PRMT2: variants seen among roughly 807,000 people sequenced by gnomAD.
The protein encoded by PRMT2 is protein arginine N-methyltransferase 2.
PRMT2 carries 26 observed loss-of-function variants against 57.6 expected under a neutral mutation model. That is an observed-to-expected ratio of 0.45 (90% confidence interval 0.33 to 0.63). The LOEUF (loss-of-function observed/expected upper bound fraction) is 0.63. Ranked by LOEUF, PRMT2 falls within the 20% of genes least tolerant of loss-of-function variation. The pLI is 0.02. For synonymous variants in PRMT2, 219 were observed against 220.0 expected (o/e 1.00, Z 0.04); for missense variants, 472 against 564.4 (o/e 0.84, Z 1.66).
intron 5 of PRMT2, among the ~76,000 whole-genome samples, chr21:46,647,773 C>G (rs1028344128): frequency 2.0e-5 from 3 of 152,216 alleles, no homozygotes; most frequent in Admixed American, 2.0e-4. Context: ...CCACAAATCT[C>G]CAGCGACCCC....
In PRMT2 at chr21:46,641,569, G is replaced by A. The variant is rs2300409; in HGVS notation, c.40-1966G>A. ...TAGCCGGGCGTAGTGACACACGCCT[G>A]TAGTCCCAGCCTCTCGGGAGGCTGA... On this transcript the variant is annotated intron_variant, in intron 3 of 11. Coordinates refer to ENST00000355680, the MANE Select transcript of PRMT2 (RefSeq NM_206962.4). Among the ~76,000 whole-genome samples the A allele has an allele frequency of 1.7e-3, 252 of 152,252 alleles. 8 individuals carry two copies. The East Asian group carries it at 0.045, about 27-fold the overall frequency.
At chr21:46,641,683 C>CT (rs1174493395) in intron 3 of PRMT2, among the ~76,000 whole-genome samples, 4 of 150,904 alleles carry the variant, frequency 2.7e-5, no homozygotes, top group African/African-American at 9.8e-5. Context: ...CAGAGCGAGA[C>CT]TCCATCCTAA....
intron 7 of PRMT2, chr21:46,654,118 G>A (rs2061505366): frequency 2.0e-6 from 2 of 985,228 alleles, no homozygotes; most frequent in South Asian, 9.4e-5. Context: ...CAGAGACCAG[G>A]CACCAAATTT....
intron 5 of PRMT2, among the ~76,000 whole-genome samples, chr21:46,645,621 T>C (rs2061352972): frequency 6.6e-6 from 1 of 152,126 alleles, no homozygotes; most frequent in Non-Finnish European, 1.5e-5. Flanking sequence ...GTTATAAAAA[T>C]GATGTTAGTT....
chr21:46,638,698 G>A (rs892311113), intron 3 of PRMT2, among the ~76,000 whole-genome samples: 1 of 152,186 alleles, frequency 6.6e-6, no homozygotes, highest in Non-Finnish European at 1.5e-5. Flanking sequence ...ACTGGTCATG[G>A]TAGTATTTCA....
intron 5 of PRMT2, among the ~76,000 whole-genome samples, chr21:46,645,112 A>G (rs1167330827): frequency 2.5e-5 from 3 of 119,292 alleles, no homozygotes; most frequent in Admixed American, 9.4e-5. Flanking sequence ...TTAAAAAAAA[A>G]TATAATTAGC....
At chr21:46,652,292 C>T in intron 7 of PRMT2, 1 of 1,286,594 alleles carries the variant, frequency 7.8e-7, no homozygotes, top group Non-Finnish European at 9.9e-7. Context: ...CATAATGAAG[C>T]TGTCAAATAA....
chr21:46,644,246 G>T, intron 4 of PRMT2, 60 bp from the exon 5 acceptor site: 1 of 1,519,856 alleles, frequency 6.6e-7, no homozygotes, highest in Admixed American at 2.0e-5. Flanking sequence ...TTATCACTGA[G>T]CCACATTTGA....
In PRMT2 at chr21:46,663,385, C is replaced by G; in HGVS notation, c.1100C>G (p.Thr367Ser). 2 of 1,611,164 alleles carry G rather than the reference C, an allele frequency of 1.2e-6. No individual in the cohort carries two copies. Among genetic ancestry groups the G allele is most frequent in the Non-Finnish European group, 1.7e-6 (2 of 1,177,866 alleles). The change falls in exon 11 of 12, where the codon ACC (threonine) becomes AGC (serine). Residue 367 changes from threonine to serine, a missense_variant and splice_region_variant. Around this residue, in one of 2 missense-constraint regions of PRMT2, gnomAD observed 229 missense variants for 217.2 expected, o/e 1.05. Coordinates refer to ENST00000355680, the MANE Select transcript of PRMT2 (RefSeq NM_206962.4). Reference sequence around the variant, plus strand: ...TCACACGCACCCCTGTCTTGCAGCACCACACACTGGAAGCAGACGCTGTTC... The same window carrying G: ...TCACACGCACCCCTGTCTTGCAGCAGCACACACTGGAAGCAGACGCTGTTC... ...QVLSTGPFHP[T>S]THWKQTLFMM...
Position 46,649,782 on chromosome 21 carries a change from G to A in PRMT2, c.654+43G>A. 6.3e-7 allele frequency: 1 copy of A among 1,593,482 alleles called. No homozygotes were observed. ...GGCAGCTGGGGGCCGGAGCTGGGGG[G>A]CTTCTGAGCACGGGCTCGGCTGGGC... On this transcript the variant is annotated intron_variant, in intron 7 of 11. Coordinates refer to ENST00000355680, the MANE Select transcript of PRMT2 (RefSeq NM_206962.4). The surrounding 1 kb of genome is among the most constrained non-coding windows in gnomAD (Gnocchi z 4.8).
At chr21:46,641,857 G>A (rs2061282340) in intron 3 of PRMT2, among the ~76,000 whole-genome samples, 1 of 152,046 alleles carries the variant, frequency 6.6e-6, no homozygotes, top group Admixed American at 6.6e-5. Flanking sequence ...CGGGGATGGG[G>A]TGGAGAGCAA....
intron 5 of PRMT2, among the ~76,000 whole-genome samples, chr21:46,644,691 T>C (rs1284974623): frequency 6.6e-6 from 1 of 152,154 alleles, no homozygotes; most frequent in African/African-American, 2.4e-5. Context: ...AAAACTTTAT[T>C]TATGGATCTT....
At position 46,664,895 on chromosome 21, in the gene PRMT2, A is replaced by G. The variant is rs1177401716; in HGVS notation, c.*568A>G. On this transcript the variant is annotated 3_prime_UTR_variant, in exon 12 of 12. Transcript: ENST00000355680. ...AGTTGTGTAGACGTCTTCCAAATAA[A>G]TTATGTGTTGGTCCATCGCACATGC... The G allele has an allele frequency of 2.6e-5, 4 of 153,754 alleles. No individual in the cohort carries two copies. The highest frequency in any genetic ancestry group is 4.3e-5 in the Non-Finnish European group (3 of 69,062). 9.5% of individuals were successfully genotyped at this position (153,754 alleles called of 1,614,324 possible). A position where few individuals can be genotyped will look rare whatever the true frequency, so the allele number is the denominator to read the frequency against.
In PRMT2 at chr21:46,648,228, G is replaced by A. The variant is rs2061394326; in HGVS notation, c.328-230G>A. On this transcript the variant is annotated intron_variant, in intron 5 of 11. Transcript: ENST00000355680. This position sits in a 1 kb window ranked among gnomAD's most constrained non-coding sequence, Gnocchi z 4.8. Reference sequence around the variant, plus strand: ...GTTGTGCACCTTTCTTGTTAAATTTGTTCCTAGGTATTTTTTGTGTATTAT... The same window carrying A: ...GTTGTGCACCTTTCTTGTTAAATTTATTCCTAGGTATTTTTTGTGTATTAT... 2 of 472,556 alleles carry A rather than the reference G, an allele frequency of 4.2e-6. No homozygotes were observed. The highest frequency in any genetic ancestry group is 3.2e-5 in the East Asian group (1 of 31,702). The allele number at this position is 472,556 out of a possible 1,614,324, so 29.3% of individuals were successfully genotyped here.
At position 46,664,310 on chromosome 21, in the gene PRMT2, T is replaced by G. The variant is rs1358217648; in HGVS notation, c.1285T>G (p.Phe429Val). 2 of 1,613,744 alleles carry G rather than the reference T, an allele frequency of 1.2e-6. No homozygotes were observed. Among genetic ancestry groups the G allele is most frequent in the Admixed American group, 1.7e-5 (1 of 60,028 alleles). Residue 429 changes from phenylalanine (F) to valine (V), a missense_variant, in exon 12 of 12, where the codon TTC becomes GTC. By Grantham distance (50) the Phe-to-Val change is conservative. Coordinates refer to ENST00000355680, the MANE Select transcript of PRMT2 (RefSeq NM_206962.4). ...TCTTTTTCAGGTTGGAGAAAAAGTCTTCCCCATCTGGAGATGACAGTTGAT... is the reference window on the plus strand; with the variant it reads ...TCTTTTTCAGGTTGGAGAAAAAGTCGTCCCCATCTGGAGATGACAGTTGAT... The part of the protein sequence containing the change: ...PTSQKVGEKV[F>V]PIWR
chr21:46,662,813 A>G (rs990877127), intron 10 of PRMT2, among the ~76,000 whole-genome samples: 2 of 152,094 alleles, frequency 1.3e-5, no homozygotes, highest in African/African-American at 4.8e-5. Context: ...GCGTTTTACT[A>G]TTTCCCCCCA....
chr21:46,646,012 C>A (rs1038239809), intron 5 of PRMT2, among the ~76,000 whole-genome samples: 1 of 152,122 alleles, frequency 6.6e-6, no homozygotes, highest in Non-Finnish European at 1.5e-5. Flanking sequence ...TTGCGCCCGG[C>A]CGGAAGGTAC....
At chr21:46,651,972 G>A (rs772314942) in intron 7 of PRMT2, 1 of 1,613,160 alleles carries the variant, frequency 6.2e-7, no homozygotes, top group East Asian at 2.2e-5. Context: ...CAGCCCTCAG[G>A]CCTTCATCTC....
intron 7 of PRMT2, chr21:46,652,981 C>T: frequency 8.1e-7 from 1 of 1,237,744 alleles, no homozygotes; most frequent in Non-Finnish European, 1.0e-6. Flanking sequence ...GGACGCTTTG[C>T]AAGGTCACTG....
Sources: allele counts gnomAD v4.1 joint callset (sites outside exome capture counted in the v4.1 genomes callset), GRCh38; gene constraint gnomAD v4.1.1; regional missense constraint gnomAD v4.1.1; non-coding constraint Gnocchi (gnomAD v3.1); transcripts MANE v1.5; gene names NCBI Gene and HGNC (gene_info 2026-07-23, HGNC 2026-07-21).